The following ARMC1 variants were observed in gnomAD, a reference collection of about 807,000 sequenced individuals.
ARMC1 encodes the protein armadillo repeat-containing protein 1.
ARMC1 carries 16 observed loss-of-function variants against 31.4 expected under a neutral mutation model. The ratio of observed to expected loss-of-function variants is 0.51; its 90% confidence interval spans 0.34 to 0.77. The LOEUF (loss-of-function observed/expected upper bound fraction) is 0.77, where lower values mean the gene tolerates loss of function less well. Ranked by LOEUF, ARMC1 falls within the 30% of genes least tolerant of loss-of-function variation. ARMC1 has a pLI of 0.01. For synonymous variants in ARMC1, 114 were observed against 118.9 expected (o/e 0.96, Z 0.27); for missense variants, 259 against 347.5 (o/e 0.75, Z 2.02).
chr8:65,616,692 G>A (rs182825164), intron 3 of ARMC1, among the ~76,000 whole-genome samples: 4,157 of 151,052 alleles, frequency 0.028, 133 homozygotes, highest in African/African-American at 0.078. Flanking sequence ...AGTGAGGAGC[G>A]TCTCTGCCCG....
At chr8:65,632,207 G>T (rs1199437666) in intron 1 of ARMC1, among the ~76,000 whole-genome samples, 4 of 152,130 alleles carry the variant, frequency 2.6e-5, no homozygotes, top group African/African-American at 9.7e-5. Flanking sequence ...GGGAGGCCCA[G>T]GGGGGTGGAT....
chr8:65,606,339 C>T (rs1292497611), intron 4 of ARMC1, among the ~76,000 whole-genome samples: 5 of 141,714 alleles, frequency 3.5e-5, no homozygotes, highest in East Asian at 2.1e-4. Context: ...CCAGCCTGGG[C>T]GACAGAGCAA....
chr8:65,625,291 C>T lies in ARMC1; in HGVS notation c.183+1925G>A, dbSNP rs150951148. On this transcript the variant is annotated intron_variant, in intron 2 of 6. Coordinates refer to ENST00000276569, the MANE Select transcript of ARMC1 (RefSeq NM_018120.6). ...TGCCAAGATCCTAAACTCCCTTGCA[C>T]AATCATTCTGCCCAACTTAACCTGG... Among the ~76,000 whole-genome samples, 305 of 152,292 alleles carry T rather than the reference C, an allele frequency of 2.0e-3. 1 individual carries two copies. Among genetic ancestry groups the T allele is most frequent in the African/African-American group, 7.1e-3 (295 of 41,554 alleles).
intron 4 of ARMC1, among the ~76,000 whole-genome samples, chr8:65,608,299 G>A (rs547390250): frequency 6.6e-6 from 1 of 152,318 alleles, no homozygotes; most frequent in East Asian, 1.9e-4. Context: ...GGCCGAGGCA[G>A]GTGGATCACC....
rs554363446 is a variant in ARMC1 at position 65,626,182 on chromosome 8, C to T, written c.183+1034G>A. On this transcript the variant is annotated intron_variant, in intron 2 of 6. Transcript: ENST00000276569. ...CTAGGATTACAGGAGTGAGCCACCACGTCTGGCCCTATTTATATGCAAAAT... is the reference window on the plus strand; with the variant it reads ...CTAGGATTACAGGAGTGAGCCACCATGTCTGGCCCTATTTATATGCAAAAT... Among the ~76,000 whole-genome samples, 15 of 152,142 alleles carry T rather than the reference C, an allele frequency of 9.9e-5. No individual in the cohort carries two copies. In the South Asian group the frequency reaches 1.0e-3, roughly 11 times the overall value.
intron 4 of ARMC1, among the ~76,000 whole-genome samples, chr8:65,610,201 G>C (rs576550718): frequency 6.6e-5 from 10 of 151,978 alleles, no homozygotes; most frequent in Admixed American, 5.2e-4. Context: ...AGGTTCAAGC[G>C]ATTCTCCTGA....
chr8:65,605,603 C>T (rs1585700756), intron 4 of ARMC1, 65 bp from the exon 5 acceptor site: 1 of 1,191,654 alleles, frequency 8.4e-7, no homozygotes, highest in Admixed American at 1.8e-5. Flanking sequence ...CAGTGAAAAC[C>T]AAGCTATATT....
At chr8:65,618,394 C>G (rs1355327241) in intron 3 of ARMC1, among the ~76,000 whole-genome samples, 1 of 150,882 alleles carries the variant, frequency 6.6e-6, no homozygotes, top group East Asian at 2.0e-4. Context: ...TGGTGGCGGG[C>G]GCCTGTAGTC....
At chr8:65,617,050 C>G (rs1478373284) in intron 3 of ARMC1, among the ~76,000 whole-genome samples, 1 of 149,328 alleles carries the variant, frequency 6.7e-6, no homozygotes, top group Admixed American at 6.6e-5. Flanking sequence ...AGGTGGGGGG[C>G]GCTTCTGCCC....
chr8:65,623,306 T>TCAAAAAAAAAAAAA (rs1808435742), intron 2 of ARMC1, among the ~76,000 whole-genome samples: 1 of 2,664 alleles, frequency 3.8e-4, no homozygotes, highest in Non-Finnish European at 7.3e-4. Flanking sequence ...AGACTCCGTC[T>TCAAAAAAAAAAAAA]CAAAAAAAAA....
intron 3 of ARMC1, among the ~76,000 whole-genome samples, chr8:65,617,088 C>T (rs1260749023): frequency 6.7e-6 from 1 of 150,360 alleles, no homozygotes; most frequent in African/African-American, 2.4e-5. Flanking sequence ...AGTGAGGAGC[C>T]CCTCTGCCCG....
chr8:65,626,285 T>C (rs747447298), intron 2 of ARMC1, among the ~76,000 whole-genome samples: 103 of 151,778 alleles, frequency 6.8e-4, no homozygotes, highest in Admixed American at 2.0e-3. Context: ...ACAGGGAGTG[T>C]TGGGGTCTGG....
intron 3 of ARMC1, among the ~76,000 whole-genome samples, chr8:65,618,456 A>T (rs1273370596): frequency 6.8e-6 from 1 of 147,538 alleles, no homozygotes; most frequent in African/African-American, 2.5e-5. Flanking sequence ...CGGGAGGCAG[A>T]GCTTGCAGTG....
At chr8:65,627,746 T>C (rs1808546223) in intron 1 of ARMC1, among the ~76,000 whole-genome samples, 1 of 152,252 alleles carries the variant, frequency 6.6e-6, no homozygotes, top group South Asian at 2.1e-4. Context: ...AGCTTTGCTA[T>C]ACTTCTAAAA....
chr8:65,604,427 A>T lies in ARMC1; in HGVS notation c.816T>A (p.Ala272=), dbSNP rs74618162. The T allele has an allele frequency of 1.8e-4, 284 of 1,614,188 alleles. 4 individuals are homozygous for T. The East Asian group carries it at 6.2e-3, about 35-fold the overall frequency. The part of the protein sequence containing the change: ...PEGGASWLST[A]ANFLSRSFYW ...AAAATGATCTGGATAAAAAGTTTGC[A>T]GCTGTGCTAAGCCAGCTAGCTCCAC... The change falls in exon 7 of 7, where the codon GCT becomes GCA. Residue 272 remains alanine (A), a synonymous_variant. Coordinates refer to ENST00000276569, the MANE Select transcript of ARMC1 (RefSeq NM_018120.6).
In ARMC1 at chr8:65,608,521, T is replaced by A. The variant is rs542905548; in HGVS notation, c.466-2983A>T. ...TCCAGCCTGGGCAAAAGAGCAACTC[T>A]GTCTCGAAAAAGAGTTCAATTCTGA... On this transcript the variant is annotated intron_variant, in intron 4 of 6. Transcript: ENST00000276569. 2.6e-5 allele frequency among the ~76,000 whole-genome samples: 4 copies of A among 152,070 alleles called. No individual in the cohort carries two copies. The South Asian group carries it at 8.3e-4, about 32-fold the overall frequency.
chr8:65,624,175 C>A (rs370956834), intron 2 of ARMC1, among the ~76,000 whole-genome samples: 2 of 152,030 alleles, frequency 1.3e-5, no homozygotes, highest in East Asian at 3.9e-4. Context: ...ATAAAGAACA[C>A]CAGAAATGTA....
intron 4 of ARMC1, among the ~76,000 whole-genome samples, chr8:65,606,177 A>G (rs900742601): frequency 5.3e-5 from 8 of 152,076 alleles, no homozygotes; most frequent in African/African-American, 1.4e-4. Flanking sequence ...CCTGGCCAAT[A>G]TGGTAAAACC....
chr8:65,617,039 G>T (rs1219931802), intron 3 of ARMC1, among the ~76,000 whole-genome samples: 1 of 151,962 alleles, frequency 6.6e-6, no homozygotes, highest in Non-Finnish European at 1.5e-5. Context: ...CCCCGTCCGG[G>T]AGGTGGGGGG....
Sources: allele counts gnomAD v4.1 joint callset (sites outside exome capture counted in the v4.1 genomes callset), GRCh38; gene constraint gnomAD v4.1.1; transcripts MANE v1.5; gene names NCBI Gene and HGNC (gene_info 2026-07-23, HGNC 2026-07-21).